The following NKAIN3 variants were observed in gnomAD, a reference collection of about 807,000 sequenced individuals.
NKAIN3 encodes sodium/potassium-transporting ATPase subunit beta-1-interacting protein 3.
NKAIN3 carries 25 observed loss-of-function variants against 30.2 expected under a neutral mutation model. That is an observed-to-expected ratio of 0.83 (90% CI 0.60 to 1.16). NKAIN3 has a LOEUF of 1.16. Ranked by LOEUF, NKAIN3 falls within the 50% of genes most tolerant of loss-of-function variation. NKAIN3 has a pLI of 0.00. For missense variants in NKAIN3, 225 were observed against 254.1 expected (o/e 0.89, Z 0.78); for synonymous variants, 91 against 89.6 (o/e 1.02, Z -0.09).
At chr8:62,618,522 G>A (rs183817682) in intron 3 of NKAIN3, among the ~76,000 whole-genome samples, 22 of 151,854 alleles carry the variant, frequency 1.4e-4, no homozygotes, top group African/African-American at 5.3e-4. Flanking sequence ...TGGACAATTA[G>A]TTGTGGTGGC....
At chr8:62,638,844 G>A (rs1019912378) in intron 3 of NKAIN3, among the ~76,000 whole-genome samples, 2 of 152,088 alleles carry the variant, frequency 1.3e-5, no homozygotes, top group Admixed American at 6.6e-5. Flanking sequence ...AATCCCAAAT[G>A]TTCACAAAAG....
intron 1 of NKAIN3, among the ~76,000 whole-genome samples, chr8:62,313,354 T>C (rs1439911444): frequency 6.6e-6 from 1 of 151,754 alleles, no homozygotes; most frequent in African/African-American, 2.4e-5. Flanking sequence ...GTTGTGTCTT[T>C]GAAATACTAA....
At chr8:62,347,388 A>G (rs1816036722) in intron 1 of NKAIN3, among the ~76,000 whole-genome samples, 1 of 152,168 alleles carries the variant, frequency 6.6e-6, no homozygotes, top group Non-Finnish European at 1.5e-5. Flanking sequence ...CCTTTAAAGA[A>G]AAAGATATCA....
intron 1 of NKAIN3, among the ~76,000 whole-genome samples, chr8:62,548,821 A>AAATATATATATATGT (rs1554546090): frequency 6.6e-6 from 1 of 151,192 alleles, no homozygotes; most frequent in African/African-American, 2.4e-5. Flanking sequence ...ATATATGATG[A>AAATATATATATATGT]ACAAATAAAA....
At chr8:62,558,327 G>T (rs953298543) in intron 1 of NKAIN3, among the ~76,000 whole-genome samples, 1 of 152,108 alleles carries the variant, frequency 6.6e-6, no homozygotes, top group East Asian at 1.9e-4. Flanking sequence ...AGTATAGCTT[G>T]AAATCAGGTA....
In NKAIN3 at chr8:62,318,947, T is replaced by C. The variant is rs189453484; in HGVS notation, c.54+69820T>C. 4.6e-5 allele frequency among the ~76,000 whole-genome samples: 7 copies of C among 152,290 alleles called. No homozygotes were observed. The East Asian group carries it at 1.4e-3, about 29-fold the overall frequency. On this transcript the variant is annotated intron_variant, in intron 1 of 6. Transcript: ENST00000623646. The stretch of plus-strand genomic sequence containing the variant: ...TTGTACCTCTGGTAGAATTCGGCTG[T>C]GAATCCATCTGGTCCTGGACTTTTT...
At chr8:62,443,470 A>G (rs1585813804) in intron 1 of NKAIN3, among the ~76,000 whole-genome samples, 1 of 152,122 alleles carries the variant, frequency 6.6e-6, no homozygotes, top group East Asian at 1.9e-4. Context: ...TGCAACGTCC[A>G]CCTTCCGGAT....
chr8:62,983,578 A>T lies in NKAIN3; in HGVS notation c.*18171A>T, dbSNP rs1824134640. The T allele has an allele frequency of 6.6e-6, 1 of 152,174 alleles. No homozygotes were observed. The highest frequency in any genetic ancestry group is 1.5e-5 in the Non-Finnish European group (1 of 68,032). The allele number at this position is 152,174 out of a possible 1,614,324, so 9.4% of individuals were successfully genotyped here. A position where few individuals can be genotyped will look rare whatever the true frequency, so the allele number is the denominator to read the frequency against. ...ATCCTAGTGTGGATTTCACATGGTC[A>T]ATGATTTGCTTTCCTTGAATTTGCC... On this transcript the variant is annotated 3_prime_UTR_variant, in exon 7 of 7. Transcript: ENST00000623646.
intron 1 of NKAIN3, among the ~76,000 whole-genome samples, chr8:62,440,679 C>T (rs2129598179): frequency 6.7e-6 from 1 of 149,616 alleles, no homozygotes; most frequent in South Asian, 2.2e-4. Context: ...TCCCCTCCTT[C>T]CTTCTTTTTC....
intron 4 of NKAIN3, among the ~76,000 whole-genome samples, chr8:62,869,474 T>C (rs1157642141): frequency 6.6e-6 from 1 of 152,210 alleles, no homozygotes; most frequent in Non-Finnish European, 1.5e-5. Flanking sequence ...ATTTGAAAGA[T>C]GAAATATTAG....
intron 3 of NKAIN3, among the ~76,000 whole-genome samples, chr8:62,678,685 CATATT>C (rs1265247270): frequency 6.7e-6 from 1 of 149,328 alleles, no homozygotes; most frequent in East Asian, 1.9e-4. Flanking sequence ...GATAATATAT[CATATT>C]ATATTGATAA....
intron 4 of NKAIN3, chr8:62,863,911 T>A: frequency 7.9e-7 from 1 of 1,259,250 alleles, no homozygotes; most frequent in Non-Finnish European, 1.2e-6. Context: ...CAGGATCTCC[T>A]CCTTTGGCTC....
intron 1 of NKAIN3, among the ~76,000 whole-genome samples, chr8:62,506,476 C>CTTTTTTT (rs71255341): frequency 1.1e-4 from 11 of 98,440 alleles, no homozygotes; most frequent in African/African-American, 2.9e-4. Flanking sequence ...TTCTTTCTTT[C>CTTTTTTT]TTTTTTTTTT....
chr8:62,688,739 CAG>C (rs201909860), intron 3 of NKAIN3, among the ~76,000 whole-genome samples: 2,696 of 118,602 alleles, frequency 0.023, 31 homozygotes, highest in African/African-American at 0.055. Context: ...GACAGACAGA[CAG>C]ACACACACAC....
intron 4 of NKAIN3, among the ~76,000 whole-genome samples, chr8:62,861,214 G>T (rs925172451): frequency 6.6e-6 from 1 of 152,146 alleles, no homozygotes; most frequent in African/African-American, 2.4e-5. Flanking sequence ...AGTTCAATAA[G>T]GATACTGGCC....
At position 62,429,789 on chromosome 8, in the gene NKAIN3, A is replaced by G. The variant is rs553007592; in HGVS notation, c.55-149750A>G. ...AGTCTTTGTGCACTGAAGCTGCACT[A>G]GCAACTGCAACCAATTTTTTAATTA... is the stretch of plus-strand genomic sequence containing the variant. On this transcript the variant is annotated intron_variant, in intron 1 of 6. Coordinates refer to ENST00000623646, the MANE Select transcript of NKAIN3 (RefSeq NM_001304533.3). Among the ~76,000 whole-genome samples, 16 of 152,132 alleles carry G rather than the reference A, an allele frequency of 1.1e-4. No homozygotes were observed. The South Asian group carries it at 2.7e-3, about 26-fold the overall frequency.
chr8:62,890,845 C>T (rs1305139320), intron 4 of NKAIN3, among the ~76,000 whole-genome samples: 1 of 152,220 alleles, frequency 6.6e-6, no homozygotes. Context: ...CAAAGTCCTT[C>T]CGCACCATTT....
chr8:62,855,223 G>T (rs755804464), intron 4 of NKAIN3: 5 of 390,100 alleles, frequency 1.3e-5, no homozygotes, highest in Non-Finnish European at 2.4e-5. Flanking sequence ...TAGCTCAGAA[G>T]AAACACATTT....
intron 1 of NKAIN3, among the ~76,000 whole-genome samples, chr8:62,446,493 A>C (rs906900621): frequency 2.0e-5 from 3 of 152,100 alleles, no homozygotes; most frequent in African/African-American, 7.2e-5. Context: ...AATTTTAACC[A>C]TTTTTAAGTG....
Sources: gnomAD v4.1 joint callset for allele counts (sites outside exome capture counted in the v4.1 genomes callset) on GRCh38, gnomAD v4.1.1 for gene constraint, MANE v1.5 for transcripts, NCBI Gene and HGNC (gene_info 2026-07-23, HGNC 2026-07-21) for gene names.